MELTF: variants seen among roughly 807,000 people sequenced by gnomAD.
MELTF encodes antigen p97 (melanoma associated) identified by monoclonal antibodies 133.2 and 96.5.
Under a neutral mutation model 83.7 loss-of-function variants are expected in MELTF, and 67 were observed. That is an observed-to-expected ratio of 0.80 (90% CI 0.66 to 0.98). The LOEUF is 0.98. Ranked by LOEUF, MELTF falls within the 50% of genes least tolerant of loss-of-function variation. The probability of loss-of-function intolerance (pLI) is 0.00; values close to 1 mark genes in which losing one functional copy is unlikely to be tolerated. For synonymous variants in MELTF, 462 were observed against 447.6 expected (o/e 1.03, Z -0.41); for missense variants, 1,002 against 1,035.6 (o/e 0.97, Z 0.44).
At position 197,027,914 on chromosome 3, in the gene MELTF, C is replaced by T. The variant is rs376718607; in HGVS notation, c.50-4G>A. 94 of 1,573,646 alleles carry T rather than the reference C, an allele frequency of 6.0e-5. No homozygotes were observed. The highest frequency in any genetic ancestry group is 1.5e-4 in the Admixed American group (9 of 58,322). Reference sequence around the variant, plus strand: ...CGCACCTCCATGCCACCGAGCACTGCGGGCAGGGGACCGTGAGGCCCGGCT... The same window carrying T: ...CGCACCTCCATGCCACCGAGCACTGTGGGCAGGGGACCGTGAGGCCCGGCT... On this transcript the variant is annotated splice_region_variant and splice_polypyrimidine_tract_variant and intron_variant, in intron 1 of 15. Coordinates refer to ENST00000296350, the MANE Select transcript of MELTF (RefSeq NM_005929.6).
chr3:197,028,015 G>A (rs1201394067), intron 1 of MELTF, 105 bp from the exon 2 acceptor site: 64 of 1,340,020 alleles, frequency 4.8e-5, no homozygotes, highest in Non-Finnish European at 6.1e-5. Context: ...CGCCTGGACA[G>A]CCAGTCCTCT....
rs541412761 is a variant in MELTF at position 197,008,829 on chromosome 3, G to A, written c.1662C>T (p.Tyr554=). 1.2e-5 allele frequency: 20 copies of A among 1,614,170 alleles called. No individual in the cohort carries two copies. The highest frequency in any genetic ancestry group is 6.7e-5 in the East Asian group (3 of 44,882). Residue 554 remains tyrosine, a synonymous_variant, in exon 12 of 16, where the codon TAC becomes TAT. Coordinates refer to ENST00000296350, the MANE Select transcript of MELTF (RefSeq NM_005929.6). The surrounding 1 kb of genome is among the most constrained non-coding windows in gnomAD (Gnocchi z 5.4). Reference sequence around the variant, plus strand: ...GGTACCTGAAGGCGCCGCGGTAGCCGTAATACCGCTCCTGGCTGTTGCCCA... The same window carrying A: ...GGTACCTGAAGGCGCCGCGGTAGCCATAATACCGCTCCTGGCTGTTGCCCA... ...KCVGNSQERY[Y]GYRGAFRCLV...
At chr3:197,014,383 GTTT>G (rs71623319) in intron 9 of MELTF, among the ~76,000 whole-genome samples, 2 of 101,056 alleles carry the variant, frequency 2.0e-5, no homozygotes, top group Non-Finnish European at 3.8e-5. Context: ...AATAGGGAGA[GTTT>G]TTTTTTTTTT....
At position 197,023,173 on chromosome 3, in the gene MELTF, C is replaced by T. The variant is rs569957283; in HGVS notation, c.488-60G>A. On this transcript the variant is annotated intron_variant, in intron 4 of 15. Transcript: ENST00000296350. ...ACTTTCTTCAGAGCCAAGCCAAGCC[C>T]CCAGGGTCAGCAGGGGGCCCGGGCT... The T allele has an allele frequency of 1.7e-3, 2,743 of 1,581,242 alleles. 3 individuals are homozygous for T. Among genetic ancestry groups the T allele is most frequent in the Non-Finnish European group, 2.1e-3 (2,417 of 1,154,722 alleles).
At position 197,006,748 on chromosome 3, in the gene MELTF, A is replaced by G; in HGVS notation, c.1751-12T>C. On this transcript the variant is annotated splice_polypyrimidine_tract_variant and intron_variant, in intron 13 of 15. Transcript: ENST00000296350. This position sits in a 1 kb window ranked among gnomAD's most constrained non-coding sequence, Gnocchi z 5.4. ...CTCGGAATTGTGGCCTGAGGGGGGT[A>G]AAGCAGTGTGTGTGGGGACGTTCCG... is the stretch of plus-strand genomic sequence containing the variant. 6.6e-7 allele frequency: 1 copy of G among 1,518,910 alleles called. No individual in the cohort carries two copies. Among genetic ancestry groups the G allele is most frequent in the Non-Finnish European group, 8.8e-7 (1 of 1,135,992 alleles). The allele number at this position is 1,518,910 out of a possible 1,614,324, so 94.1% of individuals were successfully genotyped here.
rs1484878225 is a variant in MELTF, at chr3:197,006,890, T to C, written c.1751-154A>G. 2.0e-5 allele frequency among the ~76,000 whole-genome samples: 3 copies of C among 152,216 alleles called. No individual in the cohort carries two copies. The highest frequency in any genetic ancestry group is 7.2e-5 in the African/African-American group (3 of 41,452). On this transcript the variant is annotated intron_variant, in intron 13 of 15. Transcript: ENST00000296350. This position sits in a 1 kb window ranked among gnomAD's most constrained non-coding sequence, Gnocchi z 5.4. ...CCTCTCCATTCTCCACGTGCTCTGC[T>C]GTGTTACCGGGGTGAAAGAACCCAG...
At chr3:197,017,318 C>G in intron 6 of MELTF, 28 bp from the exon 7 acceptor site, 1 of 1,497,778 alleles carries the variant, frequency 6.7e-7, no homozygotes, top group Non-Finnish European at 8.9e-7. Flanking sequence ...TGGGCTGAGC[C>G]AGCTCCGAAA....
intron 10 of MELTF, 102 bp from the exon 11 acceptor site, chr3:197,009,914 C>G (rs1160086597): frequency 2.7e-6 from 3 of 1,107,328 alleles, no homozygotes; most frequent in Non-Finnish European, 4.0e-6. Context: ...GTCTCTTTGC[C>G]TGAGCTATGC....
chr3:197,018,203 A>G (rs1296175334), intron 6 of MELTF, among the ~76,000 whole-genome samples: 4 of 152,140 alleles, frequency 2.6e-5, no homozygotes, highest in Admixed American at 6.5e-5. Flanking sequence ...GCTGGAGTGC[A>G]GTGGCACGAT....
chr3:197,016,389 G>A lies in MELTF; in HGVS notation c.901-20C>T, dbSNP rs377656836. 1 of 1,523,870 alleles carries A rather than the reference G, an allele frequency of 6.6e-7. No homozygotes were observed. The highest frequency in any genetic ancestry group is 8.8e-7 in the Non-Finnish European group (1 of 1,132,536). 94.4% of individuals were successfully genotyped at this position (1,523,870 alleles called of 1,614,324 possible). Reference sequence around the variant, plus strand: ...CAGACGCTGTGTGTCAAGGGGTGTGGTACAGGGTGGTGAGGGTGCTGACAG... The same window carrying A: ...CAGACGCTGTGTGTCAAGGGGTGTGATACAGGGTGGTGAGGGTGCTGACAG... On this transcript the variant is annotated intron_variant, in intron 7 of 15. Coordinates refer to ENST00000296350, the MANE Select transcript of MELTF (RefSeq NM_005929.6).
rs1435179044 is a variant in MELTF at position 197,003,873 on chromosome 3, G to C, written c.2137+28C>G. The C allele has an allele frequency of 1.2e-6, 2 of 1,608,622 alleles. No homozygotes were observed. Among genetic ancestry groups the C allele is most frequent in the Admixed American group, 1.7e-5 (1 of 59,920 alleles). ...GGTGAAGGGGTCTGAATAGCACCAG[G>C]GGAGGCGGCAGGGCGGGCCTGTCCT... On this transcript the variant is annotated intron_variant, in intron 15 of 15. Coordinates refer to ENST00000296350, the MANE Select transcript of MELTF (RefSeq NM_005929.6). This position sits in a 1 kb window ranked among gnomAD's most constrained non-coding sequence, Gnocchi z 6.2.
intron 6 of MELTF, chr3:197,019,214 C>T (rs149421164): frequency 1.4e-4 from 145 of 1,002,848 alleles, no homozygotes; most frequent in East Asian, 4.9e-4. Flanking sequence ...TGTTTTTCGG[C>T]GGCTGCAAAA....
At chr3:197,015,277 A>G in intron 9 of MELTF, 88 bp downstream of exon 9, 5 of 1,395,444 alleles carry the variant, frequency 3.6e-6, no homozygotes, top group Non-Finnish European at 4.9e-6. Context: ...CCTCTTCCCC[A>G]GGCAGCAGGG....
In MELTF at chr3:197,029,717, T is replaced by C. The variant is rs1720014434; in HGVS notation, c.-15A>G. ...GGACCCCGCATGGCGCCGTCGGGGCTGGCTGGGGCCGGGCTGGGGCTGGGT... is the reference window on the plus strand; with the variant it reads ...GGACCCCGCATGGCGCCGTCGGGGCCGGCTGGGGCCGGGCTGGGGCTGGGT... On this transcript the variant is annotated 5_prime_UTR_variant, in exon 1 of 16. Transcript: ENST00000296350. This position sits in a 1 kb window ranked among gnomAD's most constrained non-coding sequence, Gnocchi z 6.5. The C allele has an allele frequency of 4.0e-6, 5 of 1,235,900 alleles. No individual in the cohort carries two copies. Among genetic ancestry groups the C allele is most frequent in the Non-Finnish European group, 5.0e-6 (5 of 990,276 alleles). The allele number at this position is 1,235,900 out of a possible 1,614,324, so 76.6% of individuals were successfully genotyped here. A position where few individuals can be genotyped will look rare whatever the true frequency, so the allele number is the denominator to read the frequency against.
At chr3:197,023,713 C>A in intron 4 of MELTF, 2 of 407,104 alleles carry the variant, frequency 4.9e-6, no homozygotes, top group South Asian at 1.8e-5. Context: ...CCAGAGTAAG[C>A]CCTCTTCCTG....
chr3:197,026,363 A>T, intron 3 of MELTF: 1 of 385,576 alleles, frequency 2.6e-6, no homozygotes, highest in Non-Finnish European at 4.9e-6. Context: ...CGCACACAGC[A>T]CCGTGCCCGG....
chr3:197,027,938 C>T (rs762169494), intron 1 of MELTF, 28 bp from the exon 2 acceptor site: 2 of 1,532,914 alleles, frequency 1.3e-6, no homozygotes, highest in Non-Finnish European at 1.8e-6. Flanking sequence ...TGAGGCCCGG[C>T]TCCCCCGCCC....
At chr3:197,012,991 A>G (rs1198381985) in intron 9 of MELTF, among the ~76,000 whole-genome samples, 1 of 152,250 alleles carries the variant, frequency 6.6e-6, no homozygotes, top group African/African-American at 2.4e-5. Flanking sequence ...GATCAATGCA[A>G]AATGTATTCT....
At chr3:197,004,668 G>A (rs2271824) in intron 14 of MELTF, 5,669 of 158,498 alleles carry the variant, frequency 0.036, 270 homozygotes, top group African/African-American at 0.11. Flanking sequence ...AGCCCTAAAA[G>A]AGCTACTAAA....
Sources: allele counts gnomAD v4.1 joint callset (sites outside exome capture counted in the v4.1 genomes callset), GRCh38; gene constraint gnomAD v4.1.1; non-coding constraint Gnocchi (gnomAD v3.1); transcripts MANE v1.5; gene names NCBI Gene and HGNC (gene_info 2026-07-23, HGNC 2026-07-21).